CHRDL1: variants seen among roughly 807,000 people sequenced by gnomAD.
CHRDL1 encodes chordin like 1.
A neutral mutation model predicts 40.9 loss-of-function variants in CHRDL1; 19 were observed. That is an observed-to-expected ratio of 0.46 (90% CI 0.32 to 0.68). The LOEUF is 0.68. Among genes scored for constraint, CHRDL1 ranks in the 30% least tolerant of loss-of-function variants. The pLI is 0.03. For missense variants in CHRDL1, 329 were observed against 352.1 expected (o/e 0.93, Z 0.53); for synonymous variants, 136 against 123.4 (o/e 1.10, Z -0.68).
intron 2 of CHRDL1, among the ~76,000 whole-genome samples, chrX:110,775,332 C>T (rs2089834874): frequency 9.0e-6 from 1 of 111,115 alleles, no homozygotes; most frequent in African/African-American, 3.3e-5. Flanking sequence ...AAAAATAAAA[C>T]CACTAAAAAA....
chrX:110,785,238 C>T (rs1260169407), intron 2 of CHRDL1, among the ~76,000 whole-genome samples: 1 of 111,731 alleles, frequency 9.0e-6, no homozygotes, highest in Non-Finnish European at 1.9e-5. Context: ...TTACAGACAA[C>T]ATGGGATGTT....
intron 6 of CHRDL1, among the ~76,000 whole-genome samples, chrX:110,705,148 A>G (rs1354634904): frequency 9.2e-6 from 1 of 108,115 alleles, no homozygotes; most frequent in Non-Finnish European, 1.9e-5. Flanking sequence ...GCAAGTCACT[A>G]TCAGGCATAG....
intron 7 of CHRDL1, among the ~76,000 whole-genome samples, chrX:110,696,553 G>C (rs758500969): frequency 9.0e-6 from 1 of 110,788 alleles, no homozygotes; most frequent in Non-Finnish European, 1.9e-5. Flanking sequence ...GGAGAAAGTG[G>C]AAGAAAGAAT....
At chrX:110,757,578 T>C (rs1030165207) in intron 4 of CHRDL1, among the ~76,000 whole-genome samples, 1 of 111,557 alleles carries the variant, frequency 9.0e-6, no homozygotes, top group African/African-American at 3.2e-5. Context: ...CTTTTTTGTA[T>C]ATAAGGACTA....
At chrX:110,784,615 T>G (rs1325527193) in intron 2 of CHRDL1, among the ~76,000 whole-genome samples, 1 of 111,507 alleles carries the variant, frequency 9.0e-6, no homozygotes, top group Admixed American at 9.6e-5. Context: ...GGTTTCACCA[T>G]GTTGGCCAGG....
chrX:110,697,834 A>G (rs1301330019), intron 7 of CHRDL1, among the ~76,000 whole-genome samples: 1 of 85,696 alleles, frequency 1.2e-5, no homozygotes, highest in African/African-American at 6.8e-5. Flanking sequence ...ACACACACAC[A>G]CACACACACA....
intron 8 of CHRDL1, among the ~76,000 whole-genome samples, chrX:110,693,820 GT>G (rs1397664901): frequency 1.8e-5 from 2 of 111,650 alleles, no homozygotes; most frequent in Non-Finnish European, 3.8e-5. Flanking sequence ...TTGGCACTGA[GT>G]ACCTTTGAAT....
chrX:110,679,533 G>A (rs1247618249), intron 10 of CHRDL1, 108 bp from the exon 11 acceptor site: 4 of 539,609 alleles, frequency 7.4e-6, no homozygotes, highest in African/African-American at 2.3e-5. Flanking sequence ...TAGGGCTTAA[G>A]AGTATCGAGT....
At chrX:110,756,611 A>C (rs144653634) in intron 4 of CHRDL1, among the ~76,000 whole-genome samples, 1 of 111,734 alleles carries the variant, frequency 8.9e-6, no homozygotes, top group East Asian at 2.8e-4. Context: ...AGTCATTAAT[A>C]TATGACCTGG....
chrX:110,733,902 G>A lies in CHRDL1; in HGVS notation c.302-12372C>T, dbSNP rs753839368. On this transcript the variant is annotated intron_variant, in intron 4 of 11. Transcript: ENST00000372042. ...CACAGCCTGTGCTGTAGATCGCACAGCCTGGGCAACAAGAGCAAAACTCTG... is the reference window on the plus strand; with the variant it reads ...CACAGCCTGTGCTGTAGATCGCACAACCTGGGCAACAAGAGCAAAACTCTG... 1.1e-4 allele frequency among the ~76,000 whole-genome samples: 9 copies of A among 84,647 alleles called. No individual in the cohort carries two copies. The South Asian group carries it at 2.8e-3, about 26-fold the overall frequency. 73.5% of individuals were successfully genotyped at this position (84,647 alleles called of 115,157 possible).
At chrX:110,698,682 G>A (rs919709866) in intron 7 of CHRDL1, among the ~76,000 whole-genome samples, 2 of 112,019 alleles carry the variant, frequency 1.8e-5, no homozygotes, top group African/African-American at 6.5e-5. Context: ...CACTAGGCCT[G>A]TCAATGAAGC....
intron 6 of CHRDL1, among the ~76,000 whole-genome samples, chrX:110,701,530 C>G: frequency 8.9e-6 from 1 of 111,977 alleles, no homozygotes; most frequent in East Asian, 2.8e-4. Context: ...ATAAGAGTAA[C>G]ACGCCGGGTG....
At chrX:110,766,469 A>C (rs1476606200) in intron 2 of CHRDL1, among the ~76,000 whole-genome samples, 1 of 112,086 alleles carries the variant, frequency 8.9e-6, no homozygotes, top group African/African-American at 3.2e-5. Flanking sequence ...AACCAAGAAA[A>C]GAGAGAAAAT....
chrX:110,771,945 A>G (rs1410240320), intron 2 of CHRDL1, among the ~76,000 whole-genome samples: 2 of 112,081 alleles, frequency 1.8e-5, no homozygotes, highest in Non-Finnish European at 3.8e-5. Context: ...TAGAGAATTT[A>G]TAAATCATAT....
chrX:110,675,617 T>C lies in CHRDL1; in HGVS notation c.*614A>G, dbSNP rs762690288. On this transcript the variant is annotated 3_prime_UTR_variant, in exon 12 of 12. Coordinates refer to ENST00000372042, the MANE Select transcript of CHRDL1 (RefSeq NM_001143981.2). ...GGATCCAGTCAAGGGAAAAGTAACG[T>C]AGAATCTTGGCTAGCTTTGCTTCAA... 1 of 109,647 alleles carries C rather than the reference T, an allele frequency of 9.1e-6. No individual in the cohort carries two copies. Among genetic ancestry groups the C allele is most frequent in the Non-Finnish European group, 1.9e-5 (1 of 52,741 alleles). The allele number at this position is 109,647 out of a possible 1,213,427, so 9.0% of individuals were successfully genotyped here. A position where few individuals can be genotyped will look rare whatever the true frequency, so the allele number is the denominator to read the frequency against.
At chrX:110,711,486 T>C (rs901984756) in intron 6 of CHRDL1, among the ~76,000 whole-genome samples, 6 of 111,861 alleles carry the variant, frequency 5.4e-5, no homozygotes, top group African/African-American at 1.6e-4. Context: ...AAGATGAATT[T>C]TCATTTTTTA....
chrX:110,743,378 T>C (rs1281196492), intron 4 of CHRDL1, among the ~76,000 whole-genome samples: 2 of 112,235 alleles, frequency 1.8e-5, no homozygotes, highest in African/African-American at 6.5e-5. Flanking sequence ...TTCCACATTG[T>C]CTCTGCTCCT....
chrX:110,689,095 T>C (rs192976309), intron 8 of CHRDL1, among the ~76,000 whole-genome samples: 2 of 86,469 alleles, frequency 2.3e-5, no homozygotes, highest in Non-Finnish European at 4.3e-5. Flanking sequence ...TATATATATA[T>C]ATATATATAT....
intron 9 of CHRDL1, among the ~76,000 whole-genome samples, chrX:110,685,630 T>A (rs1195459132): frequency 8.9e-6 from 1 of 111,923 alleles, no homozygotes; most frequent in African/African-American, 3.2e-5. Context: ...TTGCTATTTT[T>A]ACTTAACAAA....
Sources: gnomAD v4.1 joint callset for allele counts (sites outside exome capture counted in the v4.1 genomes callset) on GRCh38, gnomAD v4.1.1 for gene constraint, MANE v1.5 for transcripts, NCBI Gene and HGNC (gene_info 2026-07-23, HGNC 2026-07-21) for gene names.